Variants in ANO10 observed in about 807,000 individuals in gnomAD.
ANO10 encodes anoctamin 10, also known as anoctamin-10.
In ANO10, 77 loss-of-function variants were observed where a neutral mutation model predicts 74.7. The observed-to-expected ratio is 1.03, with a 90% CI of 0.86 to 1.25. The LOEUF (loss-of-function observed/expected upper bound fraction) is 1.25, where lower values mean the gene tolerates loss of function less well. Among genes scored for constraint, ANO10 ranks in the 50% most tolerant of loss-of-function variants. ANO10 has a pLI of 0.00. For missense variants in ANO10, 721 were observed against 778.1 expected (o/e 0.93, Z 0.87); for synonymous variants, 279 against 284.9 (o/e 0.98, Z 0.21).
chr3:43,461,690 A>G (rs760525834), intron 11 of ANO10, among the ~76,000 whole-genome samples: 6 of 152,210 alleles, frequency 3.9e-5, no homozygotes, highest in Non-Finnish European at 7.3e-5. Flanking sequence ...TGCCATGATC[A>G]TGAGGCTTCC....
chr3:43,460,783 G>T lies in ANO10; in HGVS notation c.1798-28056C>A, dbSNP rs559510006. ...GATAATTCTGAGAACAGGAGAGAGG[G>T]TTTTTTTTAAAAAAAGGACAGCAGC... On this transcript the variant is annotated intron_variant, in intron 11 of 12. Transcript: ENST00000292246. 1.9e-4 allele frequency among the ~76,000 whole-genome samples: 29 copies of T among 152,006 alleles called. No individual in the cohort carries two copies. In the East Asian group the frequency reaches 5.4e-3, roughly 28 times the overall value.
intron 12 of ANO10, among the ~76,000 whole-genome samples, chr3:43,417,989 G>GT (rs748155354): frequency 5.3e-5 from 8 of 152,084 alleles, no homozygotes; most frequent in Non-Finnish European, 7.4e-5. Context: ...GTAAAGAATT[G>GT]TAAGGAAGGC....
At chr3:43,566,069 G>A (rs529067060) in intron 7 of ANO10, among the ~76,000 whole-genome samples, 1 of 152,314 alleles carries the variant, frequency 6.6e-6, no homozygotes, top group South Asian at 2.1e-4. Context: ...AAAGAAAGGG[G>A]TGACGGACGG....
intron 1 of ANO10, among the ~76,000 whole-genome samples, chr3:43,654,730 T>TC (rs907177854): frequency 2.6e-5 from 4 of 152,160 alleles, no homozygotes; most frequent in Non-Finnish European, 5.9e-5. Context: ...CCTCACTGCA[T>TC]CCCCACTGCT....
At chr3:43,686,098 C>G (rs890562724) in intron 1 of ANO10, among the ~76,000 whole-genome samples, 1 of 152,146 alleles carries the variant, frequency 6.6e-6, no homozygotes, top group African/African-American at 2.4e-5. Context: ...ATCCAGCCCC[C>G]AGGGCACCAT....
chr3:43,387,163 A>T (rs2092145351), intron 12 of ANO10, among the ~76,000 whole-genome samples: 1 of 152,212 alleles, frequency 6.6e-6, no homozygotes, highest in African/African-American at 2.4e-5. Flanking sequence ...CTAGGCTGCG[A>T]ATCTGCCCAG....
intron 9 of ANO10, among the ~76,000 whole-genome samples, chr3:43,559,977 G>A (rs1466746763): frequency 7.2e-5 from 11 of 152,066 alleles, no homozygotes; most frequent in Non-Finnish European, 1.5e-4. Context: ...TTTACTATGT[G>A]TTTATACTTT....
rs527271633 is a variant in ANO10 at position 43,643,818 on chromosome 3, G to A, written c.-11-37955C>T. ...CCTGCCTCAGCCTCCTGAGTAGCTC[G>A]GACTACAGGCACCCGCCACCACGCC... On this transcript the variant is annotated intron_variant, in intron 1 of 3. Transcript: ENST00000413397. 4.4e-4 allele frequency among the ~76,000 whole-genome samples: 67 copies of A among 151,232 alleles called. 1 individual carries two copies. The highest frequency in any genetic ancestry group is 1.6e-3 in the African/African-American group (65 of 41,012).
intron 1 of ANO10, among the ~76,000 whole-genome samples, chr3:43,680,806 A>G (rs1389854546): frequency 3.3e-5 from 5 of 152,282 alleles, no homozygotes; most frequent in South Asian, 2.1e-4. Context: ...TTTCAACCCA[A>G]TATTTCATAT....
At position 43,580,471 on chromosome 3, in the gene ANO10, C is replaced by A; in HGVS notation, c.474G>T (p.Leu158Phe). ...QAKLYPGKSL[L>F]RRLLTSGIVI... ...CGATGCCAGACGTGAGCAATCTTCT[C>A]ACTGCACAGGGAAAATGTGCCAAAC... Residue 158 changes from leucine to phenylalanine, a missense_variant and splice_region_variant, in exon 5 of 13, where the codon TTG becomes TTT. Leu to Phe is a conservative substitution (Grantham distance 22). Coordinates refer to ENST00000292246, the MANE Select transcript of ANO10 (RefSeq NM_018075.5). 6.2e-7 allele frequency: 1 copy of A among 1,613,500 alleles called. No individual in the cohort carries two copies. Among genetic ancestry groups the A allele is most frequent in the South Asian group, 1.1e-5 (1 of 91,042 alleles).
intron 11 of ANO10, among the ~76,000 whole-genome samples, chr3:43,491,977 C>G (rs1256678468): frequency 5.9e-5 from 9 of 152,082 alleles, no homozygotes; most frequent in Non-Finnish European, 1.0e-4. Context: ...GAGATCAAAG[C>G]AGAAGATGAG....
chr3:43,591,342 T>A (rs1450816432), intron 4 of ANO10, among the ~76,000 whole-genome samples: 1 of 152,162 alleles, frequency 6.6e-6, no homozygotes, highest in African/African-American at 2.4e-5. Flanking sequence ...TGCAGCTAAG[T>A]GCCCAGGTTC....
At chr3:43,415,762 G>A (rs914674188) in intron 12 of ANO10, among the ~76,000 whole-genome samples, 2 of 151,916 alleles carry the variant, frequency 1.3e-5, no homozygotes, top group Admixed American at 1.3e-4. Flanking sequence ...GGCTGCTCAC[G>A]AACTCCTGAC....
Position 43,628,882 on chromosome 3 carries a change from A to T in ANO10, c.-11-23019T>A, listed in dbSNP as rs2083517882. Among the ~76,000 whole-genome samples the T allele has an allele frequency of 6.6e-5, 10 of 152,298 alleles. No individual in the cohort carries two copies. The South Asian group carries it at 2.1e-3, about 32-fold the overall frequency. The stretch of plus-strand genomic sequence containing the variant: ...CTCCTGATAAGATGTTATCAATGAC[A>T]ATGGTGCCCGAAACTTCATTAGCAA... On this transcript the variant is annotated intron_variant, in intron 1 of 3. Transcript: ENST00000413397.
chr3:43,666,061 A>C (rs1343869620), intron 1 of ANO10, among the ~76,000 whole-genome samples: 2 of 152,200 alleles, frequency 1.3e-5, no homozygotes, highest in Admixed American at 1.3e-4. Context: ...GGAACATTTA[A>C]ATTTAAAATA....
chr3:43,556,125 T>C (rs1416244974), intron 9 of ANO10, among the ~76,000 whole-genome samples: 4 of 152,240 alleles, frequency 2.6e-5, no homozygotes, highest in Non-Finnish European at 4.4e-5. Flanking sequence ...CATCTAGTTA[T>C]GGTTCTTAAA....
chr3:43,607,776 A>G (rs1289630425), intron 1 of ANO10, among the ~76,000 whole-genome samples: 2 of 152,212 alleles, frequency 1.3e-5, no homozygotes, highest in Non-Finnish European at 2.9e-5. Context: ...AAGAACTAAA[A>G]GACAAGATTG....
At chr3:43,526,527 G>C (rs1357881557) in intron 11 of ANO10, among the ~76,000 whole-genome samples, 1 of 152,150 alleles carries the variant, frequency 6.6e-6, no homozygotes, top group Admixed American at 6.6e-5. Flanking sequence ...AATATATCAA[G>C]AGAATGTATA....
intron 6 of ANO10, among the ~76,000 whole-genome samples, chr3:43,575,287 AC>A (rs921331857): frequency 6.6e-6 from 1 of 152,230 alleles, no homozygotes; most frequent in African/African-American, 2.4e-5. Flanking sequence ...TTGAAAGGAA[AC>A]TCAAATTTCT....
Sources: allele counts gnomAD v4.1 joint callset (sites outside exome capture counted in the v4.1 genomes callset), GRCh38; gene constraint gnomAD v4.1.1; transcripts MANE v1.5; gene names NCBI Gene and HGNC (gene_info 2026-07-23, HGNC 2026-07-21).